The following SUCLG2 variants were observed in gnomAD, a reference collection of about 807,000 sequenced individuals.
SUCLG2 encodes the protein succinate--CoA ligase [GDP-forming] subunit beta, mitochondrial.
A neutral mutation model predicts 47.9 loss-of-function variants in SUCLG2; 42 were observed. The ratio of observed to expected loss-of-function variants is 0.88; its 90% CI spans 0.69 to 1.14. The LOEUF (loss-of-function observed/expected upper bound fraction) is 1.14, where lower values mean the gene tolerates loss of function less well. SUCLG2 is among the 50% of genes most tolerant of loss of function. The probability of loss-of-function intolerance (pLI) is 0.00; values close to 1 mark genes in which losing one functional copy is unlikely to be tolerated. For missense variants in SUCLG2, 571 were observed against 525.9 expected (o/e 1.09, Z -0.84); for synonymous variants, 195 against 197.3 (o/e 0.99, Z 0.10).
chr3:67,425,448 T>C (rs534277108), intron 9 of SUCLG2, among the ~76,000 whole-genome samples: 4 of 152,240 alleles, frequency 2.6e-5, no homozygotes, highest in Admixed American at 1.3e-4. Context: ...TTTGAATTCA[T>C]AGACTGAATA....
chr3:67,436,399 A>T (rs143552458), intron 9 of SUCLG2, among the ~76,000 whole-genome samples: 568 of 152,296 alleles, frequency 3.7e-3, no homozygotes, highest in Middle Eastern at 0.014. Context: ...AGGCATCACC[A>T]TGCTAAATAA....
At chr3:67,490,354 C>T (rs1411640757) in intron 9 of SUCLG2, among the ~76,000 whole-genome samples, 1 of 152,160 alleles carries the variant, frequency 6.6e-6, no homozygotes, top group Non-Finnish European at 1.5e-5. Context: ...ATATGGCATG[C>T]AGTTTTACTT....
intron 2 of SUCLG2, among the ~76,000 whole-genome samples, chr3:67,545,777 G>C (rs991754220): frequency 6.6e-6 from 1 of 151,020 alleles, no homozygotes; most frequent in African/African-American, 2.4e-5. Flanking sequence ...TTTCCCACCT[G>C]CTTCCCTGCA....
intron 1 of SUCLG2, among the ~76,000 whole-genome samples, chr3:67,645,643 T>C (rs1701177372): frequency 6.6e-6 from 1 of 152,126 alleles, no homozygotes; most frequent in Non-Finnish European, 1.5e-5. Flanking sequence ...TACATCACTT[T>C]AAAAGAGCCC....
chr3:67,444,095 T>A (rs1293048575), intron 9 of SUCLG2, among the ~76,000 whole-genome samples: 3 of 96,268 alleles, frequency 3.1e-5, no homozygotes, highest in Non-Finnish European at 6.5e-5. Context: ...AGCCGCGCCG[T>A]CCGGGAGGGA....
chr3:67,400,602 G>C, intron 10 of SUCLG2, 129 bp downstream of exon 10: 1 of 1,327,102 alleles, frequency 7.5e-7, no homozygotes, highest in Non-Finnish European at 1.0e-6. Flanking sequence ...CTGCCGTACT[G>C]TGTTTGTTTC....
chr3:67,483,308 G>A (rs1054878365), intron 9 of SUCLG2, among the ~76,000 whole-genome samples: 5 of 152,066 alleles, frequency 3.3e-5, no homozygotes, highest in African/African-American at 1.2e-4. Context: ...CAAGAGAAAG[G>A]AGGACAACTC....
chr3:67,649,998 C>G (rs1206548355), intron 1 of SUCLG2, among the ~76,000 whole-genome samples: 1 of 152,164 alleles, frequency 6.6e-6, no homozygotes, highest in African/African-American at 2.4e-5. Flanking sequence ...AAAGAAATGC[C>G]TTATTTACAG....
chr3:67,362,549 C>T (rs187058926), intron 10 of SUCLG2, among the ~76,000 whole-genome samples: 4 of 152,204 alleles, frequency 2.6e-5, no homozygotes, highest in Non-Finnish European at 4.4e-5. Flanking sequence ...AGCTGGTCTC[C>T]TCCATGAAAT....
chr3:67,482,194 G>A (rs940001723), intron 9 of SUCLG2, among the ~76,000 whole-genome samples: 1 of 151,986 alleles, frequency 6.6e-6, no homozygotes, highest in Admixed American at 6.6e-5. Flanking sequence ...AAGGAAGGAA[G>A]GAAGGAAGGA....
chr3:67,477,592 G>C (rs144066509), intron 9 of SUCLG2, among the ~76,000 whole-genome samples: 3,602 of 152,290 alleles, frequency 0.024, 79 homozygotes, highest in African/African-American at 0.059. Flanking sequence ...CTACTTGGGA[G>C]GCTGAGGCAG....
chr3:67,623,914 A>C (rs896913051), intron 1 of SUCLG2, among the ~76,000 whole-genome samples: 3 of 152,222 alleles, frequency 2.0e-5, no homozygotes, highest in Non-Finnish European at 4.4e-5. Context: ...CCAGGGGTCA[A>C]ACATGTCATC....
intron 7 of SUCLG2, among the ~76,000 whole-genome samples, chr3:67,501,841 C>T (rs1705502361): frequency 6.6e-6 from 1 of 152,000 alleles, no homozygotes; most frequent in Non-Finnish European, 1.5e-5. Flanking sequence ...TCATGCATAC[C>T]CTGCCCCATA....
intron 2 of SUCLG2, among the ~76,000 whole-genome samples, chr3:67,550,243 G>A (rs1317938053): frequency 3.3e-5 from 5 of 152,200 alleles, no homozygotes; most frequent in Non-Finnish European, 7.3e-5. Flanking sequence ...GACTCCTTTC[G>A]TGAAGCAGAA....
chr3:67,626,362 T>C (rs1211901797), intron 1 of SUCLG2, among the ~76,000 whole-genome samples: 1 of 151,542 alleles, frequency 6.6e-6, no homozygotes, highest in African/African-American at 2.4e-5. Context: ...ACCATCAAAA[T>C]GATCAGCACC....
chr3:67,641,747 G>T (rs1425219793), intron 1 of SUCLG2, among the ~76,000 whole-genome samples: 1 of 152,140 alleles, frequency 6.6e-6, no homozygotes, highest in African/African-American at 2.4e-5. Context: ...CCACATACTG[G>T]GTGGCTGAAA....
At position 67,520,293 on chromosome 3, in the gene SUCLG2, T is replaced by C. The variant is rs182203018; in HGVS notation, c.570+189A>G. Among the ~76,000 whole-genome samples, 3 of 152,302 alleles carry C rather than the reference T, an allele frequency of 2.0e-5. No individual in the cohort carries two copies. The East Asian group carries it at 5.8e-4, about 29-fold the overall frequency. ...GGGAAAAGCAAAGATAAAAAGTCCT[T>C]GAACACTGAATACCTTGATTCCACC... On this transcript the variant is annotated intron_variant, in intron 5 of 10. Coordinates refer to ENST00000307227, the MANE Select transcript of SUCLG2 (RefSeq NM_003848.4).
chr3:67,635,863 C>A (rs545265077), intron 1 of SUCLG2, among the ~76,000 whole-genome samples: 7 of 152,346 alleles, frequency 4.6e-5, no homozygotes, highest in Admixed American at 3.9e-4. Context: ...AGTTTCGACT[C>A]CCCTCCAGGG....
intron 2 of SUCLG2, among the ~76,000 whole-genome samples, chr3:67,578,171 C>T (rs952186186): frequency 1.3e-5 from 2 of 148,452 alleles, no homozygotes; most frequent in Non-Finnish European, 3.0e-5. Context: ...AGCATAAACT[C>T]AATAATATAA....
Sources: allele counts gnomAD v4.1 joint callset (sites outside exome capture counted in the v4.1 genomes callset), GRCh38; gene constraint gnomAD v4.1.1; transcripts MANE v1.5; gene names NCBI Gene and HGNC (gene_info 2026-07-23, HGNC 2026-07-21).